Variants in SLC7A14 observed in about 807,000 individuals in gnomAD.
SLC7A14 encodes gamma-aminobutyric acid transporter SLC7A14.
Under a neutral mutation model 60.2 loss-of-function variants are expected in SLC7A14, and 37 were observed. The observed-to-expected ratio is 0.61, with a 90% CI of 0.47 to 0.81. The LOEUF is 0.81. Among genes scored for constraint, SLC7A14 ranks in the 30% least tolerant of loss-of-function variants. SLC7A14 has a pLI of 0.00. For missense variants in SLC7A14, 886 were observed against 982.7 expected, an observed-to-expected ratio of 0.90 and a Z score of 1.32; for synonymous variants, 399 against 395.8, an observed-to-expected ratio of 1.01 and a Z score of -0.10.
At chr3:170,494,805 T>C (rs1158818284) in intron 4 of SLC7A14, among the ~76,000 whole-genome samples, 1 of 152,234 alleles carries the variant, frequency 6.6e-6, no homozygotes, top group Non-Finnish European at 1.5e-5. Context: ...TTCTCTGACA[T>C]CATGAAAGTT....
At chr3:170,515,883 C>T (rs73163865) in intron 2 of SLC7A14, among the ~76,000 whole-genome samples, 1 of 152,264 alleles carries the variant, frequency 6.6e-6, no homozygotes, top group Non-Finnish European at 1.5e-5. Flanking sequence ...AATTATTTCA[C>T]GTGTGCACAT....
intron 4 of SLC7A14, among the ~76,000 whole-genome samples, chr3:170,489,070 C>T (rs1424494101): frequency 2.0e-5 from 3 of 152,130 alleles, no homozygotes; most frequent in South Asian, 2.1e-4. Flanking sequence ...TGAGCAATAC[C>T]CCACAAGCAC....
At chr3:170,565,693 A>G (rs929701720) in intron 1 of SLC7A14, among the ~76,000 whole-genome samples, 2 of 152,140 alleles carry the variant, frequency 1.3e-5, no homozygotes, top group East Asian at 1.9e-4. Flanking sequence ...GAGGGTCACC[A>G]GCAGAAGAGT....
rs78302558 is a variant in SLC7A14, at chr3:170,565,132, T to C, written c.-153+20779A>G. Among the ~76,000 whole-genome samples the C allele has an allele frequency of 9.6e-3, 1,456 of 152,240 alleles. 22 individuals carry two copies. Among genetic ancestry groups the C allele is most frequent in the African/African-American group, 0.034 (1,400 of 41,538 alleles). ...TTGTTTCACAAGAAAGAGAACCAAG[T>C]TGGCATAGGAGGTGAGACATACAAG... On this transcript the variant is annotated intron_variant, in intron 1 of 7. Coordinates refer to ENST00000231706, the MANE Select transcript of SLC7A14 (RefSeq NM_020949.3).
At chr3:170,547,737 GACCTTTTTAAA>G (rs1560276737) in intron 1 of SLC7A14, among the ~76,000 whole-genome samples, 2 of 152,118 alleles carry the variant, frequency 1.3e-5, no homozygotes, top group Non-Finnish European at 2.9e-5. Context: ...ATTATTTTAT[GACCTTTTTAAA>G]ACCTAATGTA....
At chr3:170,545,369 C>T (rs770884345) in intron 1 of SLC7A14, among the ~76,000 whole-genome samples, 20 of 152,176 alleles carry the variant, frequency 1.3e-4, no homozygotes, top group Admixed American at 3.3e-4. Flanking sequence ...ATCTTTTCTC[C>T]TTCACCCTTA....
chr3:170,552,420 C>T (rs148748743), intron 1 of SLC7A14, among the ~76,000 whole-genome samples: 1 of 152,118 alleles, frequency 6.6e-6, no homozygotes, highest in Non-Finnish European at 1.5e-5. Flanking sequence ...ATCTTTATAG[C>T]ACATATAAAA....
intron 2 of SLC7A14, among the ~76,000 whole-genome samples, chr3:170,504,774 T>C (rs1712722411): frequency 6.6e-6 from 1 of 152,136 alleles, no homozygotes; most frequent in Admixed American, 6.5e-5. Flanking sequence ...TAAAGTCAAC[T>C]CTTAATCATC....
chr3:170,539,719 A>C (rs566322574), intron 1 of SLC7A14, among the ~76,000 whole-genome samples: 1 of 152,288 alleles, frequency 6.6e-6, no homozygotes, highest in East Asian at 1.9e-4. Context: ...TAAAATCTAC[A>C]ATATCATATA....
chr3:170,564,536 T>C (rs796781486), intron 1 of SLC7A14, among the ~76,000 whole-genome samples: 7 of 152,350 alleles, frequency 4.6e-5, no homozygotes, highest in African/African-American at 1.4e-4. Context: ...TTTTATTTCA[T>C]GAAGTTTATG....
chr3:170,538,451 A>G (rs1417081246), intron 1 of SLC7A14, among the ~76,000 whole-genome samples: 4 of 152,206 alleles, frequency 2.6e-5, no homozygotes, highest in Non-Finnish European at 5.9e-5. Flanking sequence ...GATAATTCCA[A>G]CTAGACCCTT....
At position 170,511,822 on chromosome 3, in the gene SLC7A14, A is replaced by G. The variant is rs78641450; in HGVS notation, c.305-10477T>C. Among the ~76,000 whole-genome samples the G allele has an allele frequency of 2.6e-4, 39 of 152,344 alleles. No homozygotes were observed. In the East Asian group the frequency reaches 7.3e-3, roughly 29 times the overall value. On this transcript the variant is annotated intron_variant, in intron 2 of 7. Transcript: ENST00000231706. ...AATGCACTTCTAAAACAGAACCTGGAGAAGTTTCTTCCTAGGTTTGAAATC... is the reference window on the plus strand; with the variant it reads ...AATGCACTTCTAAAACAGAACCTGGGGAAGTTTCTTCCTAGGTTTGAAATC...
intron 2 of SLC7A14, among the ~76,000 whole-genome samples, chr3:170,520,700 A>G (rs187263664): frequency 3.3e-5 from 5 of 152,340 alleles, no homozygotes. Context: ...TTGAAGGGTT[A>G]TTATAGACAG....
intron 4 of SLC7A14, among the ~76,000 whole-genome samples, chr3:170,490,442 T>C (rs2108274335): frequency 6.6e-6 from 1 of 152,324 alleles, no homozygotes; most frequent in East Asian, 1.9e-4. Flanking sequence ...AATCATTTAG[T>C]GACTTGGCAC....
intron 4 of SLC7A14, among the ~76,000 whole-genome samples, chr3:170,491,615 G>T (rs1326646792): frequency 6.6e-6 from 1 of 152,172 alleles, no homozygotes; most frequent in East Asian, 1.9e-4. Flanking sequence ...CCTAAGTGTA[G>T]GGGGTGGAAT....
intron 2 of SLC7A14, among the ~76,000 whole-genome samples, chr3:170,512,590 C>T (rs1035500381): frequency 3.3e-5 from 5 of 151,766 alleles, no homozygotes; most frequent in Non-Finnish European, 7.4e-5. Flanking sequence ...CCCTTTTCTA[C>T]TCCCCCACAC....
At chr3:170,570,090 T>C (rs1167797694) in intron 1 of SLC7A14, 3 of 152,186 alleles carry the variant, frequency 2.0e-5, no homozygotes, top group African/African-American at 7.2e-5. Context: ...CTTGATTTTT[T>C]GGTTTGTTTT....
At chr3:170,570,083 G>A (rs1375043662) in intron 1 of SLC7A14, 1 of 152,076 alleles carries the variant, frequency 6.6e-6, no homozygotes, top group Non-Finnish European at 1.5e-5. Context: ...ATCTCCTCTT[G>A]ATTTTTTGGT....
chr3:170,527,084 A>G lies in SLC7A14; in HGVS notation c.-148T>C. 1 of 792,022 alleles carries G rather than the reference A, an allele frequency of 1.3e-6. No individual in the cohort carries two copies. The allele number at this position is 792,022 out of a possible 1,614,324, so 49.1% of individuals were successfully genotyped here. On this transcript the variant is annotated 5_prime_UTR_variant, in exon 2 of 8. Coordinates refer to ENST00000231706, the MANE Select transcript of SLC7A14 (RefSeq NM_020949.3). ...CCAGTGCAGCCTTCTCCTGGGCATGAATGTCTGCAGGAAAAACACAAGAAA... is the reference window on the plus strand; with the variant it reads ...CCAGTGCAGCCTTCTCCTGGGCATGGATGTCTGCAGGAAAAACACAAGAAA...
Sources: gnomAD v4.1 joint callset for allele counts (sites outside exome capture counted in the v4.1 genomes callset) on GRCh38, gnomAD v4.1.1 for gene constraint, MANE v1.5 for transcripts, NCBI Gene and HGNC (gene_info 2026-07-23, HGNC 2026-07-21) for gene names.